Variants in FAM107B observed in about 807,000 individuals in gnomAD.
The protein encoded by FAM107B is family with sequence similarity 107 member B, also known as protein FAM107B.
A neutral mutation model predicts 31.5 loss-of-function variants in FAM107B; 21 were observed. The observed-to-expected ratio is 0.67, with a 90% CI of 0.47 to 0.96. FAM107B has a LOEUF of 0.96. Ranked by LOEUF, FAM107B falls within the 40% of genes least tolerant of loss-of-function variation. FAM107B has a pLI of 0.00. For missense variants in FAM107B, 452 were observed against 377.1 expected (o/e 1.20, Z -1.64); for synonymous variants, 157 against 141.5 (o/e 1.11, Z -0.78).
intron 2 of FAM107B, chr10:14,612,382 C>A (rs1852746707): frequency 6.6e-6 from 1 of 152,156 alleles, no homozygotes; most frequent in African/African-American, 2.4e-5. Flanking sequence ...AGGACAGAGT[C>A]CTTGGGCAGC....
intron 2 of FAM107B, among the ~76,000 whole-genome samples, chr10:14,665,524 C>T (rs894741508): frequency 1.3e-5 from 2 of 152,208 alleles, no homozygotes; most frequent in African/African-American, 4.8e-5. Context: ...ATAACAGCAG[C>T]TGGGAAATTC....
intron 1 of FAM107B, among the ~76,000 whole-genome samples, chr10:14,699,703 A>G (rs1042546207): frequency 6.6e-6 from 1 of 152,178 alleles, no homozygotes; most frequent in Non-Finnish European, 1.5e-5. Context: ...TCTGGGCACC[A>G]CTTAGCCCAG....
Position 14,667,664 on chromosome 10 carries a change from A to G in FAM107B, c.439T>C (p.Cys147Arg), listed in dbSNP as rs1854439987. The stretch of plus-strand genomic sequence containing the variant: ...GTCATTTTCTGCTCCAGCTCGAGGC[A>G]TTTAGGTTCTTCTCGAAATTCTTCT... ...KEEEFREEPK[C>R]LELEQKMTSD... is the part of the protein sequence containing the mutation. Residue 147 changes from cysteine to arginine, a missense_variant, in exon 2 of 5, where the codon TGC (cysteine) becomes CGC (arginine). By Grantham distance (180) the Cys-to-Arg change is radical (BLOSUM62 -3). Coordinates refer to ENST00000181796, the MANE Select transcript of FAM107B (RefSeq NM_031453.4). 1.9e-6 allele frequency: 3 copies of G among 1,614,202 alleles called. No individual in the cohort carries two copies. Among genetic ancestry groups the G allele is most frequent in the Non-Finnish European group, 2.5e-6 (3 of 1,180,002 alleles).
intron 2 of FAM107B, among the ~76,000 whole-genome samples, chr10:14,609,384 T>C (rs1248587329): frequency 6.6e-6 from 1 of 152,180 alleles, no homozygotes. Context: ...CTAAGGTCAT[T>C]CAGATTGCTG....
At chr10:14,770,657 C>T (rs1478421612) in intron 1 of FAM107B, among the ~76,000 whole-genome samples, 1 of 152,126 alleles carries the variant, frequency 6.6e-6, no homozygotes, top group African/African-American at 2.4e-5. Flanking sequence ...TTAAGAGGTA[C>T]TAACAATTAT....
At chr10:14,543,149 C>G (rs1173117622) in intron 2 of FAM107B, among the ~76,000 whole-genome samples, 1 of 152,110 alleles carries the variant, frequency 6.6e-6, no homozygotes, top group African/African-American at 2.4e-5. Flanking sequence ...TTCAAGGACT[C>G]TTGATTTTAC....
At chr10:14,736,324 C>G (rs1856298566) in intron 1 of FAM107B, among the ~76,000 whole-genome samples, 1 of 152,174 alleles carries the variant, frequency 6.6e-6, no homozygotes, top group African/African-American at 2.4e-5. Context: ...AATTCATATT[C>G]TACTGGGTTG....
At chr10:14,632,245 T>G (rs529197428) in intron 2 of FAM107B, among the ~76,000 whole-genome samples, 111 of 131,750 alleles carry the variant, frequency 8.4e-4, no homozygotes, top group African/African-American at 3.2e-3. Context: ...TTTCAGTGAG[T>G]GGAGATCGCG....
chr10:14,587,202 A>C (rs966145757), intron 2 of FAM107B, among the ~76,000 whole-genome samples: 1 of 152,208 alleles, frequency 6.6e-6, no homozygotes, highest in African/African-American at 2.4e-5. Flanking sequence ...AGGTCTATCT[A>C]GCAAAAAGTT....
At chr10:14,604,132 C>T (rs1852503834) in intron 2 of FAM107B, 2 of 711,408 alleles carry the variant, frequency 2.8e-6, no homozygotes, top group African/African-American at 1.9e-5. Flanking sequence ...CCCGCCCGGC[C>T]GCCCGCCCGC....
intron 1 of FAM107B, among the ~76,000 whole-genome samples, chr10:14,690,527 C>T (rs536443030): frequency 1.2e-4 from 19 of 152,132 alleles, no homozygotes; most frequent in Non-Finnish European, 2.4e-4. Flanking sequence ...GAACTCAGCT[C>T]GCTGCAACCT....
At chr10:14,586,771 T>C (rs1345019883) in intron 2 of FAM107B, among the ~76,000 whole-genome samples, 2 of 152,194 alleles carry the variant, frequency 1.3e-5, no homozygotes, top group Non-Finnish European at 2.9e-5. Context: ...CAGCCATACC[T>C]TTGAGCCCAG....
intron 2 of FAM107B, among the ~76,000 whole-genome samples, chr10:14,600,475 C>T (rs1390541980): frequency 6.6e-6 from 1 of 151,580 alleles, no homozygotes; most frequent in Admixed American, 6.6e-5. Context: ...GCCGCACCCA[C>T]CCACCCTGAC....
chr10:14,526,437 G>T (rs963068534), intron 3 of FAM107B, among the ~76,000 whole-genome samples: 1 of 152,144 alleles, frequency 6.6e-6, no homozygotes, highest in East Asian at 1.9e-4. Context: ...CGGCCTCCCA[G>T]AGTGCTGGAA....
intron 1 of FAM107B, among the ~76,000 whole-genome samples, chr10:14,729,807 G>C (rs1440506477): frequency 6.6e-6 from 1 of 152,164 alleles, no homozygotes. Flanking sequence ...ATCAATGATA[G>C]ACCGGATTAA....
intron 3 of FAM107B, among the ~76,000 whole-genome samples, chr10:14,523,157 T>A (rs1845849888): frequency 6.6e-6 from 1 of 152,270 alleles, no homozygotes; most frequent in East Asian, 1.9e-4. Flanking sequence ...GCTTAAGATT[T>A]GCCTTTTCTA....
chr10:14,724,773 C>T (rs147546233), intron 1 of FAM107B, among the ~76,000 whole-genome samples: 11 of 152,076 alleles, frequency 7.2e-5, no homozygotes, highest in East Asian at 3.9e-4. Flanking sequence ...CTGAAGGAAA[C>T]GACAGAAGCT....
intron 1 of FAM107B, among the ~76,000 whole-genome samples, chr10:14,740,647 A>G (rs914037580): frequency 2.0e-5 from 3 of 152,242 alleles, no homozygotes; most frequent in African/African-American, 7.2e-5. Flanking sequence ...ATTGTAATCA[A>G]TGTACCACAT....
intron 2 of FAM107B, among the ~76,000 whole-genome samples, chr10:14,582,905 G>C (rs2131311641): frequency 6.6e-6 from 1 of 152,080 alleles, no homozygotes; most frequent in Non-Finnish European, 1.5e-5. Flanking sequence ...GGCCAACATG[G>C]CAAAACCCCA....
Sources: allele counts gnomAD v4.1 joint callset (sites outside exome capture counted in the v4.1 genomes callset), GRCh38; gene constraint gnomAD v4.1.1; transcripts MANE v1.5; gene names NCBI Gene and HGNC (gene_info 2026-07-23, HGNC 2026-07-21).